Variants in RASEF observed in about 807,000 individuals in gnomAD.
RASEF encodes ras and EF-hand domain-containing protein.
A neutral mutation model predicts 90.1 loss-of-function variants in RASEF; 68 were observed. That is an observed-to-expected ratio of 0.75 (90% CI 0.62 to 0.92). RASEF has a LOEUF of 0.92. Ranked by LOEUF, RASEF falls within the 40% of genes least tolerant of loss-of-function variation. The pLI is 0.00. For missense variants in RASEF, 949 were observed against 937.2 expected, an observed-to-expected ratio of 1.01 and a Z score of -0.16; for synonymous variants, 331 against 345.2, an observed-to-expected ratio of 0.96 and a Z score of 0.46.
chr9:82,998,795 G>A (rs1366084917), intron 12 of RASEF, among the ~76,000 whole-genome samples: 1 of 152,106 alleles, frequency 6.6e-6, no homozygotes, highest in Admixed American at 6.5e-5. Flanking sequence ...ATGCATGAAT[G>A]TGCAGGTGTA....
chr9:83,211,273 T>G, the RASEF span, among the ~76,000 whole-genome samples: 1,081 of 149,994 alleles, frequency 7.2e-3, 11 homozygotes, highest in African/African-American at 0.024. Flanking sequence ...AGGTTATGGG[T>G]TTTTTTTTCT....
At chr9:83,123,948 T>A in the RASEF span, among the ~76,000 whole-genome samples, 2,678 of 145,764 alleles carry the variant, frequency 0.018, 83 homozygotes, top group African/African-American at 0.065. Context: ...TCTGTACCCA[T>A]GAAACACTAA....
At chr9:83,055,876 C>T (rs551044258) in intron 1 of RASEF, among the ~76,000 whole-genome samples, 8 of 152,284 alleles carry the variant, frequency 5.3e-5, no homozygotes, top group African/African-American at 1.9e-4. Context: ...ATCCATAGTC[C>T]AGAATGAGTG....
the RASEF span, among the ~76,000 whole-genome samples, chr9:83,148,284 C>A: frequency 0.18 from 27,927 of 151,992 alleles, 2,632 homozygotes; most frequent in Admixed American, 0.21. Flanking sequence ...GAACTGTGAT[C>A]CCCCAAATTC....
the RASEF span, among the ~76,000 whole-genome samples, chr9:83,177,341 AC>A: frequency 6.6e-6 from 1 of 152,148 alleles, no homozygotes; most frequent in Non-Finnish European, 1.5e-5. Context: ...AGAGTCACTT[AC>A]CCGAAGAATT....
chr9:83,186,941 G>T, the RASEF span, among the ~76,000 whole-genome samples: 12 of 152,110 alleles, frequency 7.9e-5, no homozygotes, highest in African/African-American at 2.7e-4. Flanking sequence ...GCCCCAGCAT[G>T]CCCACGATCT....
intron 1 of RASEF, among the ~76,000 whole-genome samples, chr9:83,059,804 C>T (rs1013773275): frequency 2.0e-5 from 3 of 152,134 alleles, no homozygotes; most frequent in Non-Finnish European, 4.4e-5. Context: ...CTGCCAGGCT[C>T]AGCTTACCCG....
intron 5 of RASEF, among the ~76,000 whole-genome samples, chr9:83,010,788 C>T (rs187839926): frequency 3.0e-4 from 46 of 152,274 alleles, no homozygotes; most frequent in African/African-American, 9.4e-4. Context: ...CAGCTTCACA[C>T]ACAGAGCTCC....
chr9:83,198,329 CT>C, the RASEF span, among the ~76,000 whole-genome samples: 2 of 152,170 alleles, frequency 1.3e-5, no homozygotes, highest in Non-Finnish European at 2.9e-5. Context: ...GAATTTACCC[CT>C]TTCTCTTTCT....
the RASEF span, among the ~76,000 whole-genome samples, chr9:83,145,890 T>C: frequency 6.6e-6 from 1 of 152,104 alleles, no homozygotes; most frequent in East Asian, 1.9e-4. Flanking sequence ...TTCCATTAAG[T>C]AATATCAAAC....
the RASEF span, among the ~76,000 whole-genome samples, chr9:83,104,631 TA>T: frequency 1.3e-5 from 2 of 152,112 alleles, no homozygotes; most frequent in Non-Finnish European, 2.9e-5. Flanking sequence ...TTTCTTCCCA[TA>T]AAAAGAAAAT....
At chr9:83,133,963 C>T in the RASEF span, among the ~76,000 whole-genome samples, 1 of 152,112 alleles carries the variant, frequency 6.6e-6, no homozygotes, top group African/African-American at 2.4e-5. Context: ...TATTCTCTTA[C>T]ATAGAGATCA....
the RASEF span, among the ~76,000 whole-genome samples, chr9:83,097,158 T>C: frequency 6.6e-6 from 1 of 152,238 alleles, no homozygotes; most frequent in Non-Finnish European, 1.5e-5. Context: ...AGTAATGGGA[T>C]GGCTGGGTCA....
chr9:83,017,914 G>A (rs547063051), intron 3 of RASEF, among the ~76,000 whole-genome samples: 59 of 152,212 alleles, frequency 3.9e-4, no homozygotes, highest in Non-Finnish European at 7.5e-4. Context: ...AATGTAATTT[G>A]CCACATTAAC....
At chr9:83,093,683 C>T in the RASEF span, among the ~76,000 whole-genome samples, 3 of 152,188 alleles carry the variant, frequency 2.0e-5, no homozygotes, top group Non-Finnish European at 4.4e-5. Context: ...CCGCTCGCGC[C>T]TCTCCCTCCA....
chr9:83,002,034 T>C (rs1389287954), intron 9 of RASEF, among the ~76,000 whole-genome samples: 3 of 152,212 alleles, frequency 2.0e-5, no homozygotes, highest in Admixed American at 6.5e-5. Context: ...AGAAACTGTA[T>C]ACATTCCTGT....
At chr9:83,076,153 C>A in the RASEF span, among the ~76,000 whole-genome samples, 4 of 146,320 alleles carry the variant, frequency 2.7e-5, no homozygotes, top group African/African-American at 2.6e-5. Context: ...GGTGACAGAG[C>A]GAGACTGTCT....
Position 82,982,801 on chromosome 9 carries a change from GAGAC to G in RASEF, c.2118-23_2118-20del, listed in dbSNP as rs781694081. The G allele has an allele frequency of 2.5e-4, 308 of 1,227,344 alleles. No homozygotes were observed. The African/African-American group carries it at 3.9e-3, about 16-fold the overall frequency. 76.0% of individuals were successfully genotyped at this position (1,227,344 alleles called of 1,614,324 possible). A position where few individuals can be genotyped will look rare whatever the true frequency, so the allele number is the denominator to read the frequency against. ...CACTTCTCTGAGACAGAGATAGAGA[GAGAC>G]AGAGAGAGAGAGAGAGAGAGAGAGA... On this transcript the variant is annotated intron_variant, in intron 16 of 16. Transcript: ENST00000376447.
the RASEF span, among the ~76,000 whole-genome samples, chr9:83,130,879 G>A: frequency 3.3e-5 from 5 of 152,298 alleles, no homozygotes; most frequent in Middle Eastern, 3.4e-3. Context: ...AGGACAATTC[G>A]AGAATAAAAG....
Sources: gnomAD v4.1 joint callset for allele counts (sites outside exome capture counted in the v4.1 genomes callset) on GRCh38, gnomAD v4.1.1 for gene constraint, MANE v1.5 for transcripts, NCBI Gene and HGNC (gene_info 2026-07-23, HGNC 2026-07-21) for gene names.